The following DAB1 variants were observed in gnomAD, a reference collection of about 807,000 sequenced individuals.
DAB1 encodes the protein disabled homolog 1.
Under a neutral mutation model 64.6 loss-of-function variants are expected in DAB1, and 15 were observed. The ratio of observed to expected loss-of-function variants is 0.23; its 90% CI spans 0.16 to 0.36. The LOEUF (loss-of-function observed/expected upper bound fraction) is 0.36, where lower values mean the gene tolerates loss of function less well. DAB1 is among the 10% of genes least tolerant of loss of function. DAB1 has a pLI of 1.00. For missense variants in DAB1, 596 were observed against 706.7 expected (o/e 0.84, Z 1.78); for synonymous variants, 235 against 251.9 (o/e 0.93, Z 0.64).
intron 3 of DAB1, among the ~76,000 whole-genome samples, chr1:58,489,009 G>C (rs1645626563): frequency 6.6e-6 from 1 of 152,224 alleles, no homozygotes; most frequent in Non-Finnish European, 1.5e-5. Context: ...ACAGCTCCCA[G>C]CGTCAGCGAC....
chr1:57,399,380 T>G (rs1019906746), intron 1 of DAB1, among the ~76,000 whole-genome samples: 3 of 152,244 alleles, frequency 2.0e-5, no homozygotes, highest in African/African-American at 7.2e-5. Context: ...CATAGTTTCC[T>G]GATCTCAAGA....
intron 7 of DAB1, among the ~76,000 whole-genome samples, chr1:57,637,283 A>G (rs889550383): frequency 5.3e-5 from 8 of 152,254 alleles, no homozygotes; most frequent in Non-Finnish European, 8.8e-5. Flanking sequence ...AAATAATGAA[A>G]AAAATGCATT....
intron 5 of DAB1, among the ~76,000 whole-genome samples, chr1:57,951,216 G>T (rs1291267191): frequency 6.6e-6 from 1 of 150,700 alleles, no homozygotes; most frequent in African/African-American, 2.4e-5. Context: ...GAAAATCATG[G>T]AAGAGATCAA....
intron 1 of DAB1, among the ~76,000 whole-genome samples, chr1:57,413,163 A>G (rs1225830969): frequency 6.6e-6 from 1 of 152,208 alleles, no homozygotes; most frequent in Non-Finnish European, 1.5e-5. Flanking sequence ...TTTTAAGTCC[A>G]CTGTTGAGAC....
chr1:58,012,647 CA>C (rs1225266856), intron 5 of DAB1, among the ~76,000 whole-genome samples: 1 of 152,088 alleles, frequency 6.6e-6, no homozygotes, highest in Non-Finnish European at 1.5e-5. Context: ...AGAACAGACA[CA>C]AGAGGTTGGT....
At chr1:58,119,254 G>A (rs1357411238) in intron 5 of DAB1, among the ~76,000 whole-genome samples, 3 of 139,762 alleles carry the variant, frequency 2.1e-5, no homozygotes, top group Admixed American at 1.4e-4. Context: ...GTGTGTGTGT[G>A]TATGCTTAAT....
intron 7 of DAB1, among the ~76,000 whole-genome samples, chr1:57,574,828 G>A (rs1276221069): frequency 6.6e-6 from 1 of 152,168 alleles, no homozygotes; most frequent in Non-Finnish European, 1.5e-5. Context: ...CAGGTGGCAG[G>A]GATCAGGGCC....
chr1:57,850,866 T>C (rs996681209), intron 1 of DAB1, among the ~76,000 whole-genome samples: 6 of 152,214 alleles, frequency 3.9e-5, no homozygotes, highest in Admixed American at 3.9e-4. Flanking sequence ...ATAAGAATCT[T>C]TCCCCTTTAA....
chr1:58,382,189 C>A (rs974785874), intron 3 of DAB1, among the ~76,000 whole-genome samples: 15 of 152,138 alleles, frequency 9.9e-5, no homozygotes, highest in African/African-American at 3.6e-4. Context: ...GGTCTGGGTA[C>A]TGCTTTTTAT....
At chr1:57,010,832 C>A in intron 13 of DAB1, 42 bp from the exon 14 acceptor site, 1 of 1,424,054 alleles carries the variant, frequency 7.0e-7, no homozygotes, top group Middle Eastern at 1.9e-4. Context: ...TCTCTCTTTT[C>A]AAGCATTGAA....
chr1:57,522,106 T>G (rs12072932), intron 7 of DAB1, among the ~76,000 whole-genome samples: 10,597 of 151,340 alleles, frequency 0.07, 1,161 homozygotes, highest in African/African-American at 0.23. Flanking sequence ...CGAGACTCCA[T>G]CTCAAAAAAA....
intron 2 of DAB1, among the ~76,000 whole-genome samples, chr1:57,220,352 A>G (rs913516627): frequency 3.9e-5 from 6 of 152,222 alleles, no homozygotes; most frequent in African/African-American, 1.4e-4. Context: ...ATGTAAAACA[A>G]TTCCCAGGAG....
At chr1:58,304,701 G>T (rs1662266111) in intron 4 of DAB1, among the ~76,000 whole-genome samples, 1 of 152,138 alleles carries the variant, frequency 6.6e-6, no homozygotes, top group Non-Finnish European at 1.5e-5. Flanking sequence ...AGAATCACCA[G>T]AAGCTTGCTA....
At chr1:58,076,622 C>T (rs1023692466) in intron 5 of DAB1, among the ~76,000 whole-genome samples, 2 of 152,212 alleles carry the variant, frequency 1.3e-5, no homozygotes, top group African/African-American at 4.8e-5. Flanking sequence ...AATTAGTAAA[C>T]GATAGAGTCA....
chr1:58,541,614 C>CAAAAAAAAAAGAAAAAAAAAAA (rs1646617341), intron 1 of DAB1: 1 of 65,622 alleles, frequency 1.5e-5, no homozygotes, highest in Non-Finnish European at 2.7e-5. Flanking sequence ...GAGAACCTGT[C>CAAAAAAAAAAGAAAAAAAAAAA]AAAAAAAAAA....
intron 3 of DAB1, among the ~76,000 whole-genome samples, chr1:58,458,485 T>C (rs1422187851): frequency 6.6e-6 from 1 of 152,216 alleles, no homozygotes; most frequent in Non-Finnish European, 1.5e-5. Flanking sequence ...GTATCAAAGC[T>C]ACAGGTAGCA....
At chr1:57,416,258 T>A (rs1026812301) in intron 1 of DAB1, among the ~76,000 whole-genome samples, 7 of 152,314 alleles carry the variant, frequency 4.6e-5, no homozygotes, top group African/African-American at 1.7e-4. Flanking sequence ...TTTTTCAAGA[T>A]GTCCCTTGCA....
chr1:58,475,931 C>A (rs548791202), intron 3 of DAB1, among the ~76,000 whole-genome samples: 2 of 152,188 alleles, frequency 1.3e-5, no homozygotes, highest in Non-Finnish European at 2.9e-5. Context: ...AAAAATACAA[C>A]CTTAAGTATA....
intron 7 of DAB1, among the ~76,000 whole-genome samples, chr1:57,566,530 A>G (rs1181349911): frequency 3.9e-5 from 6 of 152,202 alleles, no homozygotes; most frequent in African/African-American, 1.4e-4. Context: ...GACCGCTAGC[A>G]AGATTAATAA....
Sources: gnomAD v4.1 joint callset for allele counts (sites outside exome capture counted in the v4.1 genomes callset) on GRCh38, gnomAD v4.1.1 for gene constraint, MANE v1.5 for transcripts, NCBI Gene and HGNC (gene_info 2026-07-23, HGNC 2026-07-21) for gene names.